The following HSP90AA1 variants were observed in gnomAD, a reference collection of about 807,000 sequenced individuals.
HSP90AA1 encodes heat shock protein HSP 90-alpha.
A neutral mutation model predicts 73.3 loss-of-function variants in HSP90AA1; 18 were observed. That is an observed-to-expected ratio of 0.25 (90% CI 0.17 to 0.36). The LOEUF (loss-of-function observed/expected upper bound fraction) is 0.36, where lower values mean the gene tolerates loss of function less well. Among genes scored for constraint, HSP90AA1 ranks in the 10% least tolerant of loss-of-function variants. The pLI is 1.00. For missense variants in HSP90AA1, 704 were observed against 874.2 expected (o/e 0.81, Z 2.45); for synonymous variants, 477 against 296.9 (o/e 1.61, Z -6.24).
rs1488767804 is a variant in HSP90AA1, at chr14:102,101,692, T to C, written c.366+183A>G. ...AGGGACCTGGGACTCTCTTGGACATTGCCTGGGCCTGTAGTGGACCCTCAG... is the reference window on the plus strand; with the variant it reads ...AGGGACCTGGGACTCTCTTGGACATCGCCTGGGCCTGTAGTGGACCCTCAG... On this transcript the variant is annotated intron_variant, in intron 2 of 11. Coordinates refer to the HSP90AA1 transcript ENST00000334701. Among the ~76,000 whole-genome samples, 3 of 152,216 alleles carry C rather than the reference T, an allele frequency of 2.0e-5. No individual in the cohort carries two copies. The East Asian group carries it at 5.8e-4, about 29-fold the overall frequency.
intron 1 of HSP90AA1, among the ~76,000 whole-genome samples, chr14:102,110,828 G>A (rs747109158): frequency 1.8e-4 from 27 of 152,192 alleles, no homozygotes; most frequent in African/African-American, 5.1e-4. Context: ...TGATTCACCC[G>A]CTTCTGCCTC....
intron 1 of HSP90AA1, among the ~76,000 whole-genome samples, chr14:102,122,812 TG>T (rs1566734856): frequency 6.6e-6 from 1 of 150,640 alleles, no homozygotes; most frequent in Admixed American, 6.6e-5. Flanking sequence ...GGATTACAGG[TG>T]CCTGCCACCA....
At chr14:102,112,652 A>C (rs1046083503) in intron 1 of HSP90AA1, among the ~76,000 whole-genome samples, 1 of 151,462 alleles carries the variant, frequency 6.6e-6, no homozygotes, top group African/African-American at 2.4e-5. Context: ...CTAAGTTTTA[A>C]ATTTTTTTGT....
upstream of HSP90AA1, among the ~76,000 whole-genome samples, chr14:102,087,425 C>T (rs2049273766): frequency 1.3e-5 from 2 of 151,754 alleles, no homozygotes; most frequent in South Asian, 2.1e-4. Flanking sequence ...GCGTGGGGGC[C>T]TTTGAAGTGA....
In HSP90AA1 at chr14:102,083,827, T is replaced by C. The variant is rs747058633; in HGVS notation, c.1304A>G (p.Lys435Arg). 2.5e-6 allele frequency: 4 copies of C among 1,613,792 alleles called. No individual in the cohort carries two copies. In the African/African-American group the frequency reaches 5.3e-5, roughly 22 times the overall value. Residue 435 changes from lysine to arginine, a missense_variant, in exon 7 of 11, where the codon AAG becomes AGG. By Grantham distance (26) the Lys-to-Arg change is conservative. Coordinates refer to ENST00000216281, the MANE Select transcript of HSP90AA1 (RefSeq NM_005348.4). The part of the protein sequence containing the change: ...TELAEDKENY[K>R]KFYEQFSKNI... The stretch of plus-strand genomic sequence containing the variant: ...TTTAGAGAACTGCTCATAGAATTTC[T>C]TGTAGTTCTCTTTATCTTCCGCCAG...
chr14:102,087,055 C>G, upstream of HSP90AA1: 1 of 985,458 alleles, frequency 1.0e-6, no homozygotes, highest in Non-Finnish European at 1.2e-6. Context: ...GACGCGCCAC[C>G]CCCGCGCCTG....
chr14:102,124,731 T>C (rs1030267873), intron 1 of HSP90AA1, among the ~76,000 whole-genome samples: 1 of 152,182 alleles, frequency 6.6e-6, no homozygotes, highest in Non-Finnish European at 1.5e-5. Flanking sequence ...GTTCTTCAGT[T>C]GATCCTCTTA....
At chr14:102,083,519 T>C (rs756753440) in intron 8 of HSP90AA1, 27 bp downstream of exon 8, 7 of 1,608,734 alleles carry the variant, frequency 4.4e-6, no homozygotes, top group Non-Finnish European at 3.4e-6. Flanking sequence ...GAACGACGTG[T>C]ATGACTGTAA....
chr14:102,101,750 A>G (rs1595668730), intron 2 of HSP90AA1: 6 of 774,738 alleles, frequency 7.7e-6, no homozygotes, highest in Non-Finnish European at 1.3e-5. Context: ...GTAGGCAGGG[A>G]ATAAACAATA....
intron 2 of HSP90AA1, among the ~76,000 whole-genome samples, chr14:102,092,840 T>G (rs1392203272): frequency 6.6e-6 from 1 of 152,094 alleles, no homozygotes; most frequent in Admixed American, 6.6e-5. Flanking sequence ...AGCCTCTGCC[T>G]CCTCAGTTCA....
chr14:102,088,602 T>G (rs1052336284), upstream of HSP90AA1, among the ~76,000 whole-genome samples: 9 of 152,192 alleles, frequency 5.9e-5, no homozygotes, highest in Middle Eastern at 3.2e-3. Flanking sequence ...GTGTGCCTGG[T>G]CCTGTGGTAG....
At chr14:102,130,000 T>C in intron 1 of HSP90AA1, among the ~76,000 whole-genome samples, 1 of 152,042 alleles carries the variant, frequency 6.6e-6, no homozygotes, top group Non-Finnish European at 1.5e-5. Context: ...AGATGGAGTC[T>C]CGCTCTGTCG....
intron 1 of HSP90AA1, among the ~76,000 whole-genome samples, chr14:102,102,261 T>G (rs1035161817): frequency 5.9e-5 from 9 of 152,178 alleles, no homozygotes; most frequent in Admixed American, 1.3e-4. Flanking sequence ...GAAGTTCAAC[T>G]TGGGAAATGG....
chr14:102,104,153 T>C (rs1426261373), intron 1 of HSP90AA1, among the ~76,000 whole-genome samples: 1 of 151,836 alleles, frequency 6.6e-6, no homozygotes, highest in Non-Finnish European at 1.5e-5. Context: ...ATGAATGGAG[T>C]TGGTTTTTAA....
At chr14:102,139,718 G>GGAGCACGCCAGGT (rs1393394243), upstream of HSP90AA1, 5 of 766,854 alleles carry the variant, frequency 6.5e-6, no homozygotes, top group African/African-American at 3.5e-5. Flanking sequence ...CCAGTCGGGT[G>GGAGCACGCCAGGT]GAGCACGCCA....
chr14:102,083,340 G>A (rs768130113), intron 8 of HSP90AA1, 38 bp from the exon 9 acceptor site: 9 of 1,607,858 alleles, frequency 5.6e-6, no homozygotes, highest in Non-Finnish European at 7.7e-6. Context: ...CCTTTTAACA[G>A]TTAAGAATGG....
intron 1 of HSP90AA1, among the ~76,000 whole-genome samples, chr14:102,104,187 T>C (rs965613586): frequency 1.3e-5 from 2 of 152,164 alleles, no homozygotes; most frequent in African/African-American, 2.4e-5. Context: ...GTATAACAGT[T>C]CACATATTTT....
At chr14:102,130,089 G>A (rs1005535453) in intron 1 of HSP90AA1, among the ~76,000 whole-genome samples, 3 of 151,946 alleles carry the variant, frequency 2.0e-5, no homozygotes, top group Non-Finnish European at 4.4e-5. Flanking sequence ...TCCTGCCTCA[G>A]CCTCCTGAGT....
exon 1 of HSP90AA1, chr14:102,139,291 T>G (rs767464757): frequency 6.2e-7 from 1 of 1,614,002 alleles, no homozygotes; most frequent in South Asian, 1.1e-5. Context: ...AGGGGCTTCC[T>G]GGGCGGGGAT....
Sources: allele counts gnomAD v4.1 joint callset (sites outside exome capture counted in the v4.1 genomes callset), GRCh38; gene constraint gnomAD v4.1.1; transcripts MANE v1.5; gene names NCBI Gene and HGNC (gene_info 2026-07-23, HGNC 2026-07-21).